CENPE: variants seen among roughly 807,000 people sequenced by gnomAD.
CENPE encodes the protein centromere protein E, also known as centromere-associated protein E.
CENPE carries 145 observed loss-of-function variants against 336.1 expected under a neutral mutation model. That is an observed-to-expected ratio of 0.43 (90% CI 0.38 to 0.50). The LOEUF is 0.50. CENPE is among the 20% of genes least tolerant of loss of function. The pLI is 0.00. For missense variants in CENPE, 2,719 were observed against 3,023.3 expected (o/e 0.90, Z 2.36); for synonymous variants, 1,013 against 984.8 (o/e 1.03, Z -0.54).
At chr4:103,106,967 T>C (rs1270636192) in intron 48 of CENPE, among the ~76,000 whole-genome samples, 2 of 152,232 alleles carry the variant, frequency 1.3e-5, no homozygotes, top group Non-Finnish European at 2.9e-5. Context: ...GCTACTCTTT[T>C]ATTTATCTAA....
In CENPE at chr4:103,163,226, T is replaced by C. The variant is rs1324331819; in HGVS notation, c.1753A>G (p.Arg585Gly). ...NELSSKVELL[R>G]EKEDQIKKLQ... ...TTCTTAATCTGGTCTTCCTTTTCTC[T>C]AAGCAGCTCTACTTTTGAACTGAGT... The change falls in exon 18 of 49, where the codon AGA becomes GGA. Residue 585 changes from arginine (R) to glycine (G), a missense_variant. Transcript: ENST00000265148. 3 of 1,608,978 alleles carry C rather than the reference T, an allele frequency of 1.9e-6. No individual in the cohort carries two copies. The highest frequency in any genetic ancestry group is 1.1e-5 in the South Asian group (1 of 90,816).
intron 46 of CENPE, 82 bp from the exon 47 acceptor site, chr4:103,111,093 TA>T: frequency 9.4e-7 from 1 of 1,060,396 alleles, no homozygotes; most frequent in Non-Finnish European, 1.4e-6. Flanking sequence ...CCAAGTACAA[TA>T]AGCCATTATA....
chr4:103,112,783 T>C (rs9761206), intron 46 of CENPE, among the ~76,000 whole-genome samples: 6,113 of 69,282 alleles, frequency 0.088, 133 homozygotes, highest in Non-Finnish European at 0.11. Context: ...TATATAAGTG[T>C]ATATATATAC....
rs1328565566 is a variant in CENPE, at chr4:103,143,410, T to C, written c.5146-4A>G. Reference sequence around the variant, plus strand: ...GCTCCTCTTGTTTTTCTAGGTCCTTTATCAATAGAAAAATAAAAATAATAC... The same window carrying C: ...GCTCCTCTTGTTTTTCTAGGTCCTTCATCAATAGAAAAATAAAAATAATAC... On this transcript the variant is annotated splice_polypyrimidine_tract_variant and splice_region_variant and intron_variant, in intron 33 of 48. Transcript: ENST00000265148. 1.3e-6 allele frequency: 2 copies of C among 1,565,512 alleles called. No individual in the cohort carries two copies. The highest frequency in any genetic ancestry group is 1.8e-6 in the Non-Finnish European group (2 of 1,138,718).
At position 103,148,841 on chromosome 4, in the gene CENPE, T is replaced by C. The variant is rs1423408634; in HGVS notation, c.3843+3A>G. ...CAAAGGATGAAAGGAATAAAAGACA[T>C]ACCTCTTCTTGTAATTTGGTATGGG... On this transcript the variant is annotated splice_donor_region_variant and intron_variant, in intron 28 of 48. Transcript: ENST00000265148. 3.1e-6 allele frequency: 5 copies of C among 1,609,904 alleles called. No individual in the cohort carries two copies. In the South Asian group the frequency reaches 4.4e-5, roughly 14 times the overall value.
intron 39 of CENPE, among the ~76,000 whole-genome samples, chr4:103,137,456 C>A (rs1334991831): frequency 6.6e-6 from 1 of 152,050 alleles, no homozygotes; most frequent in Non-Finnish European, 1.5e-5. Context: ...CAAGAATGAG[C>A]CCTTTATTTT....
In CENPE at chr4:103,122,103, G is replaced by A. The variant is rs1225977253; in HGVS notation, c.7143+768C>T. On this transcript the variant is annotated intron_variant, in intron 43 of 48. Coordinates refer to ENST00000265148, the MANE Select transcript of CENPE (RefSeq NM_001813.3). Reference sequence around the variant, plus strand: ...TCTTTAAATTACTATATTGGTAGATGGATTTCATCTTTCCTCTATTTTATC... The same window carrying A: ...TCTTTAAATTACTATATTGGTAGATAGATTTCATCTTTCCTCTATTTTATC... 2.6e-5 allele frequency among the ~76,000 whole-genome samples: 4 copies of A among 152,110 alleles called. No individual in the cohort carries two copies. The East Asian group carries it at 7.7e-4, about 29-fold the overall frequency.
chr4:103,187,718 G>A (rs1008866379), intron 8 of CENPE, among the ~76,000 whole-genome samples: 1 of 152,146 alleles, frequency 6.6e-6, no homozygotes, highest in African/African-American at 2.4e-5. Flanking sequence ...AGACCATTGA[G>A]GCTAGGAAGA....
At chr4:103,193,238 G>A (rs981119388) in intron 8 of CENPE, among the ~76,000 whole-genome samples, 1 of 151,912 alleles carries the variant, frequency 6.6e-6, no homozygotes, top group Non-Finnish European at 1.5e-5. Context: ...AAAATTATAT[G>A]AAATATCACA....
chr4:103,163,326 T>TA, intron 17 of CENPE, 70 bp from the exon 18 acceptor site: 1 of 1,368,066 alleles, frequency 7.3e-7, no homozygotes, highest in Non-Finnish European at 1.0e-6. Flanking sequence ...AAACAGAACT[T>TA]ATATATATTA....
At chr4:103,122,818 A>C in intron 43 of CENPE, 53 bp downstream of exon 43, 1 of 1,377,074 alleles carries the variant, frequency 7.3e-7, no homozygotes, top group East Asian at 2.3e-5. Context: ...ATTTTGCTCT[A>C]AACTCTGTGA....
chr4:103,146,554 C>T (rs1271471134), intron 29 of CENPE, among the ~76,000 whole-genome samples: 1 of 152,106 alleles, frequency 6.6e-6, no homozygotes, highest in Non-Finnish European at 1.5e-5. Flanking sequence ...GGAGGTACTG[C>T]AGGTAGAGAG....
chr4:103,175,046 TTAGAA>T (rs1452621377), intron 15 of CENPE, 143 bp from the exon 16 acceptor site: 6 of 493,382 alleles, frequency 1.2e-5, no homozygotes, highest in Non-Finnish European at 2.1e-5. Flanking sequence ...ACTAGCTAAC[TTAGAA>T]TAGATTATTT....
intron 16 of CENPE, 54 bp from the exon 17 acceptor site, chr4:103,163,607 G>GAAAA: frequency 5.0e-6 from 1 of 198,408 alleles, no homozygotes; most frequent in Non-Finnish European, 7.7e-6. Context: ...ATAAAGCAAA[G>GAAAA]CAAAAAAAAA....
chr4:103,191,842 G>A (rs1385174222), intron 8 of CENPE, among the ~76,000 whole-genome samples: 1 of 151,758 alleles, frequency 6.6e-6, no homozygotes, highest in Non-Finnish European at 1.5e-5. Context: ...AAAAAAAAGA[G>A]AACCTTGCAT....
chr4:103,150,509 G>T (rs1178930153), intron 26 of CENPE, among the ~76,000 whole-genome samples: 1 of 151,904 alleles, frequency 6.6e-6, no homozygotes, highest in Non-Finnish European at 1.5e-5. Flanking sequence ...CCTGAACCCA[G>T]GGGGGGTTGA....
intron 13 of CENPE, among the ~76,000 whole-genome samples, chr4:103,178,143 A>G (rs1016394176): frequency 6.6e-6 from 1 of 151,570 alleles, no homozygotes; most frequent in African/African-American, 2.4e-5. Context: ...ATGTTCTCAA[A>G]TTATTTGACC....
At chr4:103,191,976 G>A (rs1008670399) in intron 8 of CENPE, among the ~76,000 whole-genome samples, 46 of 152,130 alleles carry the variant, frequency 3.0e-4, no homozygotes, top group African/African-American at 1.1e-3. Flanking sequence ...CTCGGTGAGA[G>A]ATAATACCAG....
In CENPE at chr4:103,110,967, T is replaced by C. The variant is rs1318473484; in HGVS notation, c.7585A>G (p.Thr2529Ala). Residue 2529 changes from threonine (T) to alanine (A), a missense_variant, in exon 47 of 49, where the codon ACT (threonine) becomes GCT (alanine). Thr to Ala is a moderately conservative substitution (Grantham distance 58). Coordinates refer to ENST00000265148, the MANE Select transcript of CENPE (RefSeq NM_001813.3). ...TDPQPSNKPL[T>A]CGGGSGIVQN... ...ACAATGCCGCTGCCACCTCCACAAGTTAAGGGTTTATTTGAAGGCTGAGGA... is the reference window on the plus strand; with the variant it reads ...ACAATGCCGCTGCCACCTCCACAAGCTAAGGGTTTATTTGAAGGCTGAGGA... 6.2e-7 allele frequency: 1 copy of C among 1,610,596 alleles called. No homozygotes were observed. Among genetic ancestry groups the C allele is most frequent in the Non-Finnish European group, 8.5e-7 (1 of 1,178,610 alleles).
Sources: gnomAD v4.1 joint callset for allele counts (sites outside exome capture counted in the v4.1 genomes callset) on GRCh38, gnomAD v4.1.1 for gene constraint, MANE v1.5 for transcripts, NCBI Gene and HGNC (gene_info 2026-07-23, HGNC 2026-07-21) for gene names.